The following SYCP1 variants were observed in gnomAD, a reference collection of about 807,000 sequenced individuals.
SYCP1 encodes the protein cancer/testis antigen 8.
In SYCP1, 64 loss-of-function variants were observed where a neutral mutation model predicts 153.1. The ratio of observed to expected loss-of-function variants is 0.42; its 90% CI spans 0.34 to 0.51. The LOEUF is 0.51. Among genes scored for constraint, SYCP1 ranks in the 20% least tolerant of loss-of-function variants. The pLI is 0.06. For missense variants in SYCP1, 997 were observed against 1,049.0 expected (o/e 0.95, Z 0.68); for synonymous variants, 384 against 341.8 (o/e 1.12, Z -1.36).
chr1:114,912,991 A>G, intron 18 of SYCP1, 42 bp from the exon 19 acceptor site: 1 of 1,371,906 alleles, frequency 7.3e-7, no homozygotes, highest in South Asian at 1.2e-5. Flanking sequence ...ATGTCATTAC[A>G]TTTGTAAATA....
rs1305557144 is a variant in SYCP1, at chr1:114,905,282, G to C, written c.1321-5115G>C. Among the ~76,000 whole-genome samples, 4 of 152,282 alleles carry C rather than the reference G, an allele frequency of 2.6e-5. No homozygotes were observed. In the East Asian group the frequency reaches 7.7e-4, roughly 29 times the overall value. On this transcript the variant is annotated intron_variant, in intron 16 of 31. Coordinates refer to ENST00000369522, the MANE Select transcript of SYCP1 (RefSeq NM_003176.4). ...AAGAAGCTTAGAGGCTGAAGAAAGA[G>C]GCTTATAAATCCAGTTTCTTGGAAA...
intron 10 of SYCP1, among the ~76,000 whole-genome samples, chr1:114,876,408 C>G (rs559289136): frequency 6.6e-6 from 1 of 151,276 alleles, no homozygotes; most frequent in East Asian, 1.9e-4. Flanking sequence ...TTTTACATAT[C>G]TTGGTATAGT....
chr1:114,941,690 G>T (rs776294911), intron 23 of SYCP1, among the ~76,000 whole-genome samples: 1 of 151,950 alleles, frequency 6.6e-6, no homozygotes, highest in African/African-American at 2.4e-5. Flanking sequence ...GAGTGAACTG[G>T]GGGTAAGCAG....
intron 16 of SYCP1, among the ~76,000 whole-genome samples, chr1:114,908,629 A>C (rs1019464407): frequency 5.3e-5 from 8 of 152,082 alleles, no homozygotes. Context: ...TGTAATCTCC[A>C]TTGTGCTCCC....
At chr1:114,917,013 A>G (rs562460723) in intron 20 of SYCP1, among the ~76,000 whole-genome samples, 2 of 152,200 alleles carry the variant, frequency 1.3e-5, no homozygotes, top group East Asian at 3.9e-4. Flanking sequence ...GCCCAATTAT[A>G]CTTTTACTTT....
chr1:114,932,476 C>G (rs998978854), intron 23 of SYCP1, among the ~76,000 whole-genome samples: 1 of 152,208 alleles, frequency 6.6e-6, no homozygotes, highest in Non-Finnish European at 1.5e-5. Flanking sequence ...CAGTCTACAG[C>G]TCCCAGCATG....
At chr1:114,954,328 C>G (rs1188793572) in intron 27 of SYCP1, among the ~76,000 whole-genome samples, 3 of 151,860 alleles carry the variant, frequency 2.0e-5, no homozygotes, top group Non-Finnish European at 4.4e-5. Flanking sequence ...ATATGCTTAT[C>G]ATTAGTGTAC....
At chr1:114,923,307 T>G (rs1227999402) in intron 20 of SYCP1, 142 bp from the exon 21 acceptor site, 4 of 820,146 alleles carry the variant, frequency 4.9e-6, no homozygotes, top group Non-Finnish European at 7.1e-6. Context: ...TTGTTTGTAC[T>G]TATATTATGA....
intron 27 of SYCP1, among the ~76,000 whole-genome samples, chr1:114,962,400 T>C (rs1671839303): frequency 1.3e-5 from 2 of 152,226 alleles, no homozygotes. Flanking sequence ...AGTCCTTTTA[T>C]CATTATGTAA....
chr1:114,886,284 G>C lies in SYCP1; in HGVS notation c.1165G>C (p.Glu389Gln), dbSNP rs1462356600. ...TGAAACTACTGTCTGCAGCTTGGAA[G>C]AATTATTGAGAACAGAACAGCAAAG... is the stretch of plus-strand genomic sequence containing the variant. ...EFETTVCSLE[E>Q]LLRTEQQRLE... The change falls in exon 14 of 32, where the codon GAA becomes CAA. Residue 389 changes from glutamate (E) to glutamine (Q), a missense_variant. Coordinates refer to ENST00000369522, the MANE Select transcript of SYCP1 (RefSeq NM_003176.4). 1 of 1,591,196 alleles carries C rather than the reference G, an allele frequency of 6.3e-7. No homozygotes were observed. The highest frequency in any genetic ancestry group is 8.5e-7 in the Non-Finnish European group (1 of 1,171,086).
intron 30 of SYCP1, among the ~76,000 whole-genome samples, chr1:114,988,446 A>T (rs1006673304): frequency 1.3e-5 from 2 of 151,988 alleles, no homozygotes; most frequent in African/African-American, 4.8e-5. Flanking sequence ...AGTTATTCTC[A>T]ACAAAATTAT....
chr1:114,913,896 G>T, intron 19 of SYCP1, 79 bp from the exon 20 acceptor site: 1 of 1,059,820 alleles, frequency 9.4e-7, no homozygotes, highest in Non-Finnish European at 1.3e-6. Context: ...TATGCTGATA[G>T]ATAAAGGTCT....
intron 29 of SYCP1, among the ~76,000 whole-genome samples, chr1:114,983,714 A>G (rs1295018408): frequency 6.6e-6 from 1 of 151,884 alleles, no homozygotes; most frequent in African/African-American, 2.4e-5. Flanking sequence ...AGGTTTAGCC[A>G]TTTTATTTTA....
intron 30 of SYCP1, among the ~76,000 whole-genome samples, chr1:114,987,442 A>G (rs1673591096): frequency 6.6e-6 from 1 of 151,970 alleles, no homozygotes; most frequent in African/African-American, 2.4e-5. Flanking sequence ...CAAGGTAGGA[A>G]GGTTTCTTGA....
chr1:114,913,940 CA>C (rs746610776), intron 19 of SYCP1, 34 bp from the exon 20 acceptor site: 1 of 1,414,510 alleles, frequency 7.1e-7, no homozygotes, highest in African/African-American at 1.5e-5. Flanking sequence ...TTTGTTTAAA[CA>C]AAATAATTGA....
At chr1:114,876,367 AT>A (rs149417783) in intron 10 of SYCP1, among the ~76,000 whole-genome samples, 14 of 148,680 alleles carry the variant, frequency 9.4e-5, no homozygotes, top group Admixed American at 2.7e-4. Flanking sequence ...AACTAATTTT[AT>A]TTTTTTTTTA....
Position 114,981,419 on chromosome 1 carries a change from A to T in SYCP1, c.2466A>T (p.Arg822=). 6.2e-7 allele frequency: 1 copy of T among 1,609,896 alleles called. No homozygotes were observed. Residue 822 remains arginine (R), a synonymous_variant, in exon 29 of 32, where the codon CGA becomes CGT. Transcript: ENST00000369522. ...CAGTTCCTTCACAAACTGTATCTCG[A>T]AATTTCACATCAGTTGATCATGGCA... The part of the protein sequence containing the change: ...SKAVPSQTVS[R]NFTSVDHGIS...
chr1:114,957,224 C>A (rs1397727877), intron 27 of SYCP1, among the ~76,000 whole-genome samples: 1 of 152,088 alleles, frequency 6.6e-6, no homozygotes, highest in Non-Finnish European at 1.5e-5. Context: ...ACCACCCCAC[C>A]CAGCTAATTT....
intron 12 of SYCP1, 107 bp downstream of exon 12, chr1:114,878,309 C>T (rs1665681828): frequency 1.1e-5 from 8 of 745,114 alleles, no homozygotes; most frequent in Non-Finnish European, 1.8e-5. Flanking sequence ...TAGTACTGTA[C>T]TTCTCAATCT....
Sources: allele counts gnomAD v4.1 joint callset (sites outside exome capture counted in the v4.1 genomes callset), GRCh38; gene constraint gnomAD v4.1.1; transcripts MANE v1.5; gene names NCBI Gene and HGNC (gene_info 2026-07-23, HGNC 2026-07-21).